The following RYR2 variants were observed in gnomAD, a reference collection of about 807,000 sequenced individuals.
RYR2 encodes the protein cardiac muscle ryanodine receptor-calcium release channel.
RYR2 carries 227 observed loss-of-function variants against 601.1 expected under a neutral mutation model. The observed-to-expected ratio is 0.38, with a 90% CI of 0.34 to 0.42. The LOEUF (loss-of-function observed/expected upper bound fraction) is 0.42, where lower values mean the gene tolerates loss of function less well. Among genes scored for constraint, RYR2 ranks in the 10% least tolerant of loss-of-function variants. The probability of loss-of-function intolerance (pLI) is 1.00; values close to 1 mark genes in which losing one functional copy is unlikely to be tolerated. For synonymous variants in RYR2, 2,223 were observed against 2,175.1 expected (o/e 1.02, Z -0.61); for missense variants, 4,646 against 6,156.5 (o/e 0.75, Z 8.21).
chr1:237,325,407 C>T (rs1270319715), intron 2 of RYR2, among the ~76,000 whole-genome samples: 3 of 152,078 alleles, frequency 2.0e-5, no homozygotes, highest in Non-Finnish European at 4.4e-5. Context: ...AAAAGGACTG[C>T]AAATAGGCCA....
intron 1 of RYR2, among the ~76,000 whole-genome samples, chr1:237,081,300 AAAAG>A (rs1377078864): frequency 1.4e-4 from 21 of 149,236 alleles, no homozygotes; most frequent in East Asian, 5.9e-4. Context: ...AAAAAAAAAA[AAAAG>A]AAAGTCAACA....
At chr1:237,259,722 C>T (rs1339443000) in intron 1 of RYR2, among the ~76,000 whole-genome samples, 2 of 152,156 alleles carry the variant, frequency 1.3e-5, no homozygotes, top group South Asian at 2.1e-4. Flanking sequence ...GGGGGGAATT[C>T]GTTCTCTTCT....
At chr1:237,209,222 T>C (rs1444964822) in intron 1 of RYR2, among the ~76,000 whole-genome samples, 4 of 150,932 alleles carry the variant, frequency 2.7e-5, no homozygotes, top group African/African-American at 7.3e-5. Flanking sequence ...CATATAGAAG[T>C]GCTAATGATA....
chr1:237,652,222 A>T (rs1464961454), intron 51 of RYR2, among the ~76,000 whole-genome samples: 2 of 152,196 alleles, frequency 1.3e-5, no homozygotes, highest in African/African-American at 4.8e-5. Flanking sequence ...GGGTTCAAAG[A>T]TAACCTCTCT....
chr1:237,673,005 C>T (rs933352716), intron 58 of RYR2, among the ~76,000 whole-genome samples: 1 of 152,180 alleles, frequency 6.6e-6, no homozygotes, highest in Admixed American at 6.5e-5. Flanking sequence ...GACATTTCCT[C>T]CTTTGCTTGC....
At chr1:237,806,509 T>G (rs181662178) in intron 99 of RYR2, among the ~76,000 whole-genome samples, 5 of 152,232 alleles carry the variant, frequency 3.3e-5, no homozygotes, top group African/African-American at 1.2e-4. Context: ...ATAATAAAAG[T>G]ACATACCTTA....
Position 237,393,734 on chromosome 1 carries a change from T to C in RYR2, c.773+5551T>C, listed in dbSNP as rs115615648. 4.5e-3 allele frequency among the ~76,000 whole-genome samples: 681 copies of C among 152,324 alleles called. 4 individuals are homozygous for C. Among genetic ancestry groups the C allele is most frequent in the African/African-American group, 0.016 (648 of 41,580 alleles). On this transcript the variant is annotated intron_variant, in intron 10 of 104. Transcript: ENST00000366574. ...TACATAAAGGAGAGCTACTTTCTGC[T>C]CTTTGCCTCTTCTCCTTTGGGAGAG...
intron 1 of RYR2, among the ~76,000 whole-genome samples, chr1:237,205,334 G>T (rs780824287): frequency 3.3e-5 from 5 of 152,194 alleles, no homozygotes; most frequent in Non-Finnish European, 5.9e-5. Flanking sequence ...TGGGAGCCAT[G>T]GAGGGCTTGC....
chr1:237,704,399 T>TA (rs1425075296), intron 66 of RYR2, among the ~76,000 whole-genome samples: 1 of 152,168 alleles, frequency 6.6e-6, no homozygotes, highest in African/African-American at 2.4e-5. Context: ...TTCCCTGATT[T>TA]AAAATAAAAC....
At chr1:237,686,424 G>A (rs1258613845) in intron 62 of RYR2, among the ~76,000 whole-genome samples, 2 of 152,150 alleles carry the variant, frequency 1.3e-5, no homozygotes, top group Non-Finnish European at 2.9e-5. Context: ...AGCTGTACAG[G>A]AGGGCTGGAT....
At chr1:237,139,933 G>A (rs1285139049) in intron 1 of RYR2, among the ~76,000 whole-genome samples, 2 of 152,214 alleles carry the variant, frequency 1.3e-5, no homozygotes. Context: ...AGATGCAGGC[G>A]AGTTAACACT....
At chr1:237,643,252 A>T in intron 47 of RYR2, 75 bp from the exon 48 acceptor site, 1 of 1,560,004 alleles carries the variant, frequency 6.4e-7, no homozygotes, top group Non-Finnish European at 8.7e-7. Context: ...GGATTCCAAT[A>T]CTTCAGATTT....
chr1:237,814,961 TTTTC>T (rs1366500810), intron 100 of RYR2, among the ~76,000 whole-genome samples: 14,646 of 124,008 alleles, frequency 0.12, 967 homozygotes, highest in East Asian at 0.37. Flanking sequence ...CTTTTTTCTT[TTTTC>T]TTTTTTTTTT....
At chr1:237,708,768 C>A in intron 68 of RYR2, 90 bp from the exon 69 acceptor site, 4 of 1,194,778 alleles carry the variant, frequency 3.3e-6, no homozygotes, top group South Asian at 1.5e-5. Flanking sequence ...GAGAAGGAGG[C>A]TTTAATTATG....
At chr1:237,393,158 GTTC>G (rs906172260) in intron 10 of RYR2, among the ~76,000 whole-genome samples, 10 of 152,060 alleles carry the variant, frequency 6.6e-5, no homozygotes, top group African/African-American at 2.4e-4. Flanking sequence ...GAGAAAGCTT[GTTC>G]TTCTTCCACC....
rs117366686 is a variant in RYR2 at position 237,100,814 on chromosome 1, C to A, written c.48+58245C>A. 8.5e-5 allele frequency among the ~76,000 whole-genome samples: 13 copies of A among 152,310 alleles called. No individual in the cohort carries two copies. The East Asian group carries it at 2.5e-3, about 29-fold the overall frequency. On this transcript the variant is annotated intron_variant, in intron 1 of 104. Transcript: ENST00000366574. The stretch of plus-strand genomic sequence containing the variant: ...AATTCTGATGTTTTTATACGCAACA[C>A]TAGGGGTCCTTCTGAAGTTATCCCG...
At chr1:237,624,844 T>C (rs538658723) in intron 39 of RYR2, among the ~76,000 whole-genome samples, 5 of 152,140 alleles carry the variant, frequency 3.3e-5, no homozygotes, top group Non-Finnish European at 7.4e-5. Context: ...ATAAAAATAA[T>C]GCCACTGGTT....
Position 237,374,800 on chromosome 1 carries a change from G to GC in RYR2, c.463+6dup, listed in dbSNP as rs397516534. 5.3e-5 allele frequency: 86 copies of GC among 1,609,762 alleles called. No individual in the cohort carries two copies. The African/African-American group carries it at 1.1e-3, about 21-fold the overall frequency. On this transcript the variant is annotated splice_donor_region_variant and intron_variant, in intron 7 of 104. Coordinates refer to ENST00000366574, the MANE Select transcript of RYR2 (RefSeq NM_001035.3). ...GCTTGCAAGAGGACACCACAGGTAA[G>GC]CATCTTGTGCTGCGGGAAGCCAGGT...
At chr1:237,634,454 T>C (rs1465883793) in intron 43 of RYR2, among the ~76,000 whole-genome samples, 12 of 151,950 alleles carry the variant, frequency 7.9e-5, no homozygotes, top group Non-Finnish European at 1.5e-4. Context: ...GGTTACCAGG[T>C]GTAGGGGGGA....
Sources: gnomAD v4.1 joint callset for allele counts (sites outside exome capture counted in the v4.1 genomes callset) on GRCh38, gnomAD v4.1.1 for gene constraint, MANE v1.5 for transcripts, NCBI Gene and HGNC (gene_info 2026-07-23, HGNC 2026-07-21) for gene names.